Variants in DIS3L2 observed in about 807,000 individuals in gnomAD.
DIS3L2 encodes DIS3 like 3'-5' exoribonuclease 2.
DIS3L2 carries 34 observed loss-of-function variants against 97.5 expected under a neutral mutation model. The observed-to-expected ratio is 0.35, with a 90% confidence interval of 0.27 to 0.46. DIS3L2 has a LOEUF of 0.46. Among genes scored for constraint, DIS3L2 ranks in the 20% least tolerant of loss-of-function variants. DIS3L2 has a pLI of 1.00. For synonymous variants in DIS3L2, 435 were observed against 445.2 expected, an observed-to-expected ratio of 0.98 and a Z score of 0.29; for missense variants, 1,038 against 1,146.0, an observed-to-expected ratio of 0.91 and a Z score of 1.36.
Position 232,079,864 on chromosome 2 carries a change from C to T in DIS3L2, c.367-7623C>T, listed in dbSNP as rs7589192. 5.5e-3 allele frequency among the ~76,000 whole-genome samples: 844 copies of T among 152,242 alleles called. 14 individuals are homozygous for T. The highest frequency in any genetic ancestry group is 0.019 in the African/African-American group (799 of 41,526). On this transcript the variant is annotated intron_variant, in intron 5 of 20. Transcript: ENST00000325385. ...AGTATTCTAGGAACAGCAAGAAAGT[C>T]TCTGGAGTTGGAGGGTCATTTGCAA...
chr2:232,164,449 A>G (rs573380024), intron 9 of DIS3L2, among the ~76,000 whole-genome samples: 2 of 152,172 alleles, frequency 1.3e-5, no homozygotes, highest in Non-Finnish European at 2.9e-5. Flanking sequence ...AACTTTTCAT[A>G]CAACCCACTG....
At chr2:232,208,931 G>T (rs1692107954) in intron 9 of DIS3L2, among the ~76,000 whole-genome samples, 1 of 151,946 alleles carries the variant, frequency 6.6e-6, no homozygotes, top group African/African-American at 2.4e-5. Context: ...GGGAGTCTGA[G>T]GTGGGAGGAT....
chr2:232,096,586 C>G (rs1212288903), intron 6 of DIS3L2, among the ~76,000 whole-genome samples: 3 of 152,030 alleles, frequency 2.0e-5, no homozygotes, highest in Non-Finnish European at 4.4e-5. Flanking sequence ...TTTTCTAGAT[C>G]TTGTAGGCAT....
At chr2:232,071,309 C>T (rs1346718344) in intron 5 of DIS3L2, among the ~76,000 whole-genome samples, 1 of 151,942 alleles carries the variant, frequency 6.6e-6, no homozygotes, top group African/African-American at 2.4e-5. Flanking sequence ...ATCTTGAGAA[C>T]CCAGGAGTTC....
At chr2:232,078,078 C>G (rs1410293860) in intron 5 of DIS3L2, among the ~76,000 whole-genome samples, 2 of 143,092 alleles carry the variant, frequency 1.4e-5, no homozygotes, top group Non-Finnish European at 3.0e-5. Context: ...GAGTCTAGCT[C>G]TGTCACCCAG....
At chr2:232,031,496 C>CT (rs142118818) in intron 5 of DIS3L2, among the ~76,000 whole-genome samples, 17,041 of 135,714 alleles carry the variant, frequency 0.13, 1,063 homozygotes, top group African/African-American at 0.19. Context: ...TGCAGGGTTT[C>CT]TTTTTTTTTT....
intron 9 of DIS3L2, among the ~76,000 whole-genome samples, chr2:232,186,837 A>T (rs1427135587): frequency 6.6e-6 from 1 of 152,220 alleles, no homozygotes; most frequent in Non-Finnish European, 1.5e-5. Flanking sequence ...GTAGACCTGA[A>T]TGTAAGGGCT....
At chr2:232,194,771 G>T (rs1334193887) in intron 9 of DIS3L2, among the ~76,000 whole-genome samples, 2 of 152,136 alleles carry the variant, frequency 1.3e-5, no homozygotes, top group African/African-American at 4.8e-5. Context: ...TGTGGGAGTT[G>T]GGCTGAGGTA....
intron 5 of DIS3L2, among the ~76,000 whole-genome samples, chr2:232,065,770 A>G (rs961063321): frequency 2.6e-5 from 4 of 151,984 alleles, no homozygotes; most frequent in East Asian, 1.9e-4. Flanking sequence ...AATGGCATAG[A>G]TTGGAGTTGT....
chr2:232,078,009 C>T (rs1006486378), intron 5 of DIS3L2, among the ~76,000 whole-genome samples: 4 of 102,366 alleles, frequency 3.9e-5, no homozygotes, highest in Admixed American at 1.0e-4. Context: ...TTCTTTCTTT[C>T]TTTCTTTCTT....
chr2:231,972,911 T>C (rs1692964751), intron 1 of DIS3L2, among the ~76,000 whole-genome samples: 2 of 152,228 alleles, frequency 1.3e-5, no homozygotes, highest in African/African-American at 4.8e-5. Context: ...TCTATTTATA[T>C]ATTGTTGCAA....
chr2:232,183,344 C>T (rs1239974361), intron 9 of DIS3L2, among the ~76,000 whole-genome samples: 1 of 152,188 alleles, frequency 6.6e-6, no homozygotes, highest in East Asian at 1.9e-4. Context: ...TTAGTGGTCA[C>T]CTAATGAATA....
intron 6 of DIS3L2, among the ~76,000 whole-genome samples, chr2:232,108,005 A>C (rs996619333): frequency 5.3e-4 from 81 of 152,296 alleles, no homozygotes; most frequent in African/African-American, 1.8e-3. Context: ...AAAATTGAAA[A>C]AGGGGACCCC....
chr2:232,219,950 G>A (rs1692445750), intron 10 of DIS3L2, among the ~76,000 whole-genome samples: 1 of 151,980 alleles, frequency 6.6e-6, no homozygotes, highest in Non-Finnish European at 1.5e-5. Flanking sequence ...TTGGCAAATA[G>A]TCTTACTAGT....
chr2:232,297,924 T>C (rs770723938), intron 13 of DIS3L2, among the ~76,000 whole-genome samples: 31 of 152,144 alleles, frequency 2.0e-4, no homozygotes, highest in Non-Finnish European at 4.0e-4. Context: ...GCTGGTCTCC[T>C]GAGCTCAGGC....
chr2:232,041,651 G>A (rs572653852), intron 5 of DIS3L2, among the ~76,000 whole-genome samples: 32 of 152,304 alleles, frequency 2.1e-4, no homozygotes, highest in Non-Finnish European at 4.4e-4. Flanking sequence ...CATAGTGATT[G>A]GCTCAGAGAA....
chr2:232,162,060 T>A (rs1690668784), intron 8 of DIS3L2, among the ~76,000 whole-genome samples: 1 of 152,216 alleles, frequency 6.6e-6, no homozygotes, highest in Non-Finnish European at 1.5e-5. Flanking sequence ...CGTGAGCCAC[T>A]GCACCTGGTC....
chr2:232,184,103 G>C (rs1275743237), intron 9 of DIS3L2, among the ~76,000 whole-genome samples: 1 of 152,212 alleles, frequency 6.6e-6, no homozygotes, highest in African/African-American at 2.4e-5. Context: ...TTGCATCTCA[G>C]ATTGTTAAAA....
intron 5 of DIS3L2, among the ~76,000 whole-genome samples, chr2:232,078,490 C>T (rs2106296218): frequency 6.6e-6 from 1 of 152,334 alleles, no homozygotes; most frequent in South Asian, 2.1e-4. Context: ...TTAACTCTTT[C>T]AAAGACAACC....
Sources: gnomAD v4.1 joint callset for allele counts (sites outside exome capture counted in the v4.1 genomes callset) on GRCh38, gnomAD v4.1.1 for gene constraint, MANE v1.5 for transcripts, NCBI Gene and HGNC (gene_info 2026-07-23, HGNC 2026-07-21) for gene names.